GBE1: variants seen among roughly 807,000 people sequenced by gnomAD.
GBE1 encodes the protein 1,4-alpha-glucan-branching enzyme.
In GBE1, 70 loss-of-function variants were observed where a neutral mutation model predicts 88.8. The ratio of observed to expected loss-of-function variants is 0.79; its 90% CI spans 0.65 to 0.96. The LOEUF is 0.96. GBE1 is among the 40% of genes least tolerant of loss of function. GBE1 has a pLI of 0.00. For missense variants in GBE1, 872 were observed against 871.0 expected (o/e 1.00, Z -0.01); for synonymous variants, 284 against 300.1 (o/e 0.95, Z 0.56).
At chr3:81,536,492 G>C (rs1445851888) in intron 13 of GBE1, among the ~76,000 whole-genome samples, 1 of 151,110 alleles carries the variant, frequency 6.6e-6, no homozygotes. Context: ...GGCCACTAAA[G>C]AAGAGAAAAA....
At chr3:81,646,853 G>T (rs1434961795) in intron 5 of GBE1, among the ~76,000 whole-genome samples, 1 of 151,592 alleles carries the variant, frequency 6.6e-6, no homozygotes, top group Non-Finnish European at 1.5e-5. Context: ...CCAATTGCAT[G>T]ACATACGCTT....
At chr3:81,720,435 CAGAAT>C (rs1706011046) in intron 1 of GBE1, among the ~76,000 whole-genome samples, 1 of 151,298 alleles carries the variant, frequency 6.6e-6, no homozygotes, top group Admixed American at 6.6e-5. Context: ...TCCGATGAAA[CAGAAT>C]AGGTCTGAAA....
chr3:81,728,047 C>G (rs915775869), intron 1 of GBE1, among the ~76,000 whole-genome samples: 3 of 151,952 alleles, frequency 2.0e-5, no homozygotes, highest in African/African-American at 7.2e-5. Context: ...AAATTGGTTG[C>G]CTGGCAGTAC....
At chr3:81,539,895 G>T (rs1451550232) in intron 12 of GBE1, among the ~76,000 whole-genome samples, 1 of 151,902 alleles carries the variant, frequency 6.6e-6, no homozygotes, top group South Asian at 2.1e-4. Flanking sequence ...ATAAGGTACT[G>T]AAACTCAAGA....
rs1032247796 is a variant in GBE1, at chr3:81,606,466, T to C, written c.993-12443A>G. ...CTGCCCAGGCAGGAAGACCCTGCGC[T>C]ATTTAACACAGTCTGATTTCACTTG... On this transcript the variant is annotated intron_variant, in intron 7 of 15. Coordinates refer to ENST00000429644, the MANE Select transcript of GBE1 (RefSeq NM_000158.4). Among the ~76,000 whole-genome samples the C allele has an allele frequency of 8.5e-5, 13 of 152,382 alleles. No homozygotes were observed. The East Asian group carries it at 1.7e-3, about 20-fold the overall frequency.
At chr3:81,511,533 G>A (rs1465200533) in intron 14 of GBE1, among the ~76,000 whole-genome samples, 1 of 151,820 alleles carries the variant, frequency 6.6e-6, no homozygotes, top group African/African-American at 2.4e-5. Flanking sequence ...GACATGACCA[G>A]ACACTTCTTA....
At chr3:81,549,420 TATCAAGGC>T (rs1703246393) in intron 12 of GBE1, among the ~76,000 whole-genome samples, 1 of 151,642 alleles carries the variant, frequency 6.6e-6, no homozygotes, top group Admixed American at 6.6e-5. Flanking sequence ...TGAAACTGGT[TATCAAGGC>T]ATTGACCAGA....
intron 2 of GBE1, among the ~76,000 whole-genome samples, chr3:81,681,147 T>G (rs920147296): frequency 1.1e-4 from 16 of 152,212 alleles, no homozygotes; most frequent in Non-Finnish European, 1.8e-4. Flanking sequence ...GGATAAAGCA[T>G]GAAGGAGAAG....
chr3:81,645,333 G>A (rs1252564088), intron 6 of GBE1, among the ~76,000 whole-genome samples: 1 of 152,192 alleles, frequency 6.6e-6, no homozygotes, highest in Non-Finnish European at 1.5e-5. Flanking sequence ...AAAGCAACAA[G>A]AGGAGGTTAA....
At chr3:81,590,892 C>A in intron 9 of GBE1, 145 bp downstream of exon 9, 1 of 531,522 alleles carries the variant, frequency 1.9e-6, no homozygotes, top group Non-Finnish European at 3.1e-6. Context: ...ATGTGCCACC[C>A]ATACAAGATA....
At chr3:81,598,343 G>C (rs1367483635) in intron 7 of GBE1, among the ~76,000 whole-genome samples, 1 of 151,840 alleles carries the variant, frequency 6.6e-6, no homozygotes, top group Admixed American at 6.6e-5. Context: ...CTCATGTTTT[G>C]ATCTATGTAT....
At chr3:81,533,562 T>C (rs769436615) in intron 14 of GBE1, among the ~76,000 whole-genome samples, 4 of 152,086 alleles carry the variant, frequency 2.6e-5, no homozygotes, top group Non-Finnish European at 5.9e-5. Context: ...TGCAGGCTAC[T>C]TACTAAAAAG....
At chr3:81,522,531 C>G (rs1002446762) in intron 14 of GBE1, among the ~76,000 whole-genome samples, 1 of 151,302 alleles carries the variant, frequency 6.6e-6, no homozygotes, top group Non-Finnish European at 1.5e-5. Flanking sequence ...TGCTCTCCTG[C>G]TCCCTTCCTG....
chr3:81,622,397 T>G (rs1425863615), intron 7 of GBE1, among the ~76,000 whole-genome samples: 1 of 152,208 alleles, frequency 6.6e-6, no homozygotes, highest in African/African-American at 2.4e-5. Context: ...CTTCTTAGCT[T>G]CCAGCTTCTG....
chr3:81,663,853 C>T (rs889542114), intron 3 of GBE1, among the ~76,000 whole-genome samples: 2 of 152,148 alleles, frequency 1.3e-5, no homozygotes, highest in African/African-American at 4.8e-5. Flanking sequence ...ACACCCCCAT[C>T]GCGCGCCCTG....
chr3:81,684,233 C>T (rs994281942), intron 2 of GBE1, among the ~76,000 whole-genome samples: 1 of 152,132 alleles, frequency 6.6e-6, no homozygotes, highest in African/African-American at 2.4e-5. Context: ...TGTGTGTGCT[C>T]TTACCCTCTA....
intron 2 of GBE1, among the ~76,000 whole-genome samples, chr3:81,684,849 C>T (rs1035025288): frequency 1.5e-4 from 23 of 152,154 alleles, no homozygotes; most frequent in African/African-American, 5.6e-4. Flanking sequence ...AAAGCTACAT[C>T]AGTCTGTGAA....
At chr3:81,585,786 T>C (rs1399141544) in intron 10 of GBE1, among the ~76,000 whole-genome samples, 2 of 152,218 alleles carry the variant, frequency 1.3e-5, no homozygotes, top group African/African-American at 2.4e-5. Context: ...AAGTCTAATA[T>C]GTATTAAATA....
At chr3:81,645,506 G>A (rs1377642892) in intron 6 of GBE1, among the ~76,000 whole-genome samples, 6 of 152,198 alleles carry the variant, frequency 3.9e-5, no homozygotes, top group African/African-American at 1.2e-4. Context: ...TAAAGAGGCA[G>A]ACCGCATACT....
Sources: allele counts gnomAD v4.1 joint callset (sites outside exome capture counted in the v4.1 genomes callset), GRCh38; gene constraint gnomAD v4.1.1; transcripts MANE v1.5; gene names NCBI Gene and HGNC (gene_info 2026-07-23, HGNC 2026-07-21).